Variants in SECISBP2 observed in about 807,000 individuals in gnomAD.
SECISBP2 encodes SECIS binding protein 2.
Under a neutral mutation model 98.2 loss-of-function variants are expected in SECISBP2, and 96 were observed. The ratio of observed to expected loss-of-function variants is 0.98; its 90% confidence interval spans 0.83 to 1.16. The LOEUF is 1.16. Ranked by LOEUF, SECISBP2 falls within the 50% of genes most tolerant of loss-of-function variation. The pLI is 0.00. For synonymous variants in SECISBP2, 407 were observed against 370.2 expected (o/e 1.10, Z -1.14); for missense variants, 1,046 against 1,022.9 (o/e 1.02, Z -0.31).
At chr9:89,355,280 G>T (rs1391274852) in intron 14 of SECISBP2, 1 of 985,314 alleles carries the variant, frequency 1.0e-6, no homozygotes, top group African/African-American at 1.7e-5. Flanking sequence ...TGAGTATCCT[G>T]TAGGCCAGAT....
intron 14 of SECISBP2, among the ~76,000 whole-genome samples, chr9:89,355,924 G>C (rs1377244473): frequency 6.6e-6 from 1 of 152,106 alleles, no homozygotes; most frequent in Non-Finnish European, 1.5e-5. Flanking sequence ...TTTACACTAT[G>C]GTATCTTTAT....
downstream of SECISBP2, chr9:89,363,346 G>A (rs1382701987): frequency 3.2e-6 from 5 of 1,576,202 alleles, no homozygotes; most frequent in East Asian, 2.2e-5. Context: ...TGCTGAATGG[G>A]GCCCTTGAAA....
At chr9:89,329,065 T>G in intron 5 of SECISBP2, 179 bp downstream of exon 5, 1 of 615,464 alleles carries the variant, frequency 1.6e-6, no homozygotes, top group South Asian at 2.0e-5. Flanking sequence ...CAGTTTATAA[T>G]GAGGCTGTAA....
chr9:89,354,943 C>G (rs773653497), intron 14 of SECISBP2: 63 of 985,436 alleles, frequency 6.4e-5, no homozygotes, highest in Non-Finnish European at 7.6e-5. Context: ...CACCCCACCT[C>G]TGCCCTATCT....
At chr9:89,362,247 C>CCAT (rs1757797793), downstream of SECISBP2, 8 of 1,300,676 alleles carry the variant, frequency 6.2e-6, no homozygotes, top group Non-Finnish European at 7.7e-6. Context: ...CCGCCTCTGC[C>CCAT]CATCAGGTGG....
At chr9:89,364,656 A>G (rs770330007), downstream of SECISBP2, 2 of 155,298 alleles carry the variant, frequency 1.3e-5, no homozygotes, top group Non-Finnish European at 2.9e-5. Context: ...TGGGCTTTTG[A>G]TCTTAATTAC....
intron 10 of SECISBP2, among the ~76,000 whole-genome samples, chr9:89,342,740 T>C (rs1829843615): frequency 1.3e-5 from 2 of 152,162 alleles, no homozygotes; most frequent in Non-Finnish European, 2.9e-5. Context: ...AAGCATAGAT[T>C]AGAGGATACC....
intron 7 of SECISBP2, among the ~76,000 whole-genome samples, chr9:89,338,003 A>G (rs1040740192): frequency 6.6e-6 from 1 of 152,218 alleles, no homozygotes; most frequent in Non-Finnish European, 1.5e-5. Context: ...TGTAGGAATG[A>G]TGAGGTCACA....
chr9:89,327,367 CAAT>C (rs1208812504), intron 4 of SECISBP2, among the ~76,000 whole-genome samples: 2 of 151,956 alleles, frequency 1.3e-5, no homozygotes, highest in African/African-American at 4.8e-5. Flanking sequence ...GTATTTTTTT[CAAT>C]AATTAACCTT....
intron 5 of SECISBP2, 137 bp from the exon 6 acceptor site, chr9:89,332,771 G>A (rs146198872): frequency 8.3e-6 from 6 of 718,694 alleles, no homozygotes; most frequent in African/African-American, 7.0e-5. Context: ...CTCCCAAAGT[G>A]GCTGTAACGT....
Position 89,358,099 on chromosome 9 carries a change from C to T in SECISBP2, c.2369C>T (p.Pro790Leu). 1.2e-6 allele frequency: 2 copies of T among 1,613,858 alleles called. No homozygotes were observed. Among genetic ancestry groups the T allele is most frequent in the Non-Finnish European group, 1.7e-6 (2 of 1,179,994 alleles). The change falls in exon 16 of 17, where the codon CCT (proline) becomes CTT (leucine). Residue 790 changes from proline (P) to leucine (L), a missense_variant. By Grantham distance (98) the Pro-to-Leu change is moderately conservative (BLOSUM62 -3). Transcript: ENST00000375807. ...CAGGAGCTGGTGGGAGAGCCCAGGC[C>T]TCAGGCACCTCCCAGCCTACCCACA... is the stretch of plus-strand genomic sequence containing the variant. ...VQQELVGEPRPQAPPSLPTQG... is the reference protein window; with the variant it reads ...VQQELVGEPRLQAPPSLPTQG...
chr9:89,349,776 G>T lies in SECISBP2; in HGVS notation c.1739G>T (p.Gly580Val). 1.2e-6 allele frequency: 2 copies of T among 1,614,166 alleles called. No homozygotes were observed. Among genetic ancestry groups the T allele is most frequent in the South Asian group, 1.1e-5 (1 of 91,078 alleles). The change falls in exon 13 of 17, where the codon GGG becomes GTG. Residue 580 changes from glycine (G) to valine (V), a missense_variant and splice_region_variant. By Grantham distance (109) the Gly-to-Val change is moderately radical. Coordinates refer to ENST00000375807, the MANE Select transcript of SECISBP2 (RefSeq NM_024077.5). The stretch of plus-strand genomic sequence containing the variant: ...GATGATGCCTTTTTCCTCCATGAAG[G>T]GCCAGAGGGGATGGACGAACTGATC... The part of the protein sequence containing the change: ...DQFPEQAELS[G>V]PEGMDELIST...
intron 7 of SECISBP2, among the ~76,000 whole-genome samples, chr9:89,335,951 A>T (rs766507390): frequency 1.3e-5 from 2 of 152,190 alleles, no homozygotes; most frequent in Admixed American, 1.3e-4. Context: ...GAGTACTAGT[A>T]GCAAAATAAT....
chr9:89,344,566 G>A (rs1453325966), intron 10 of SECISBP2, among the ~76,000 whole-genome samples: 5 of 152,140 alleles, frequency 3.3e-5, no homozygotes, highest in Non-Finnish European at 5.9e-5. Context: ...TGAATAGGGA[G>A]TCCTTTCCCC....
intron 11 of SECISBP2, among the ~76,000 whole-genome samples, chr9:89,347,450 C>A (rs1463023393): frequency 1.3e-5 from 2 of 149,782 alleles, no homozygotes; most frequent in African/African-American, 4.9e-5. Flanking sequence ...CAGTCACAGG[C>A]TCCTCCGGTG....
Position 89,359,661 on chromosome 9 carries a change from T to C in SECISBP2, c.*837T>C, listed in dbSNP as rs926937759. On this transcript the variant is annotated 3_prime_UTR_variant, in exon 17 of 17. Coordinates refer to ENST00000375807, the MANE Select transcript of SECISBP2 (RefSeq NM_024077.5). ...TATTAAATTTTGTTTCAGACTCTGGTGATTTTAGGCTTCTCAGTGGTCTCT... is the reference window on the plus strand; with the variant it reads ...TATTAAATTTTGTTTCAGACTCTGGCGATTTTAGGCTTCTCAGTGGTCTCT... 3 of 152,188 alleles carry C rather than the reference T, an allele frequency of 2.0e-5. No individual in the cohort carries two copies. Among genetic ancestry groups the C allele is most frequent in the African/African-American group, 7.2e-5 (3 of 41,442 alleles). The allele number at this position is 152,188 out of a possible 1,614,324, so 9.4% of individuals were successfully genotyped here. A position where few individuals can be genotyped will look rare whatever the true frequency, so the allele number is the denominator to read the frequency against.
Position 89,334,259 on chromosome 9 carries a change from T to G in SECISBP2, c.881-263T>G, listed in dbSNP as rs139733470. 1.5e-4 allele frequency: 162 copies of G among 1,114,746 alleles called. No homozygotes were observed. In the African/African-American group the frequency reaches 2.3e-3, roughly 16 times the overall value. 69.1% of individuals were successfully genotyped at this position (1,114,746 alleles called of 1,614,324 possible). A position where few individuals can be genotyped will look rare whatever the true frequency, so the allele number is the denominator to read the frequency against. The stretch of plus-strand genomic sequence containing the variant: ...TTTTTAACTAAAACTACTGTTTGTC[T>G]ACCCACCTCCAACCCCCAGGTTAAA... On this transcript the variant is annotated intron_variant, in intron 6 of 16. Transcript: ENST00000375807.
Position 89,328,613 on chromosome 9 carries a change from A to C in SECISBP2, c.575-47A>C, listed in dbSNP as rs780133891. On this transcript the variant is annotated intron_variant, in intron 4 of 16. Coordinates refer to ENST00000375807, the MANE Select transcript of SECISBP2 (RefSeq NM_024077.5). ...AATTTTTGCTTGCATACTGGTCATC[A>C]AACAGTAACTAAATTTTTACTCTTA... 7 of 1,525,462 alleles carry C rather than the reference A, an allele frequency of 4.6e-6. No homozygotes were observed. In the African/African-American group the frequency reaches 9.6e-5, roughly 21 times the overall value. The allele number at this position is 1,525,462 out of a possible 1,614,324, so 94.5% of individuals were successfully genotyped here. A position where few individuals can be genotyped will look rare whatever the true frequency, so the allele number is the denominator to read the frequency against.
At chr9:89,356,229 C>T (rs1414982182) in intron 14 of SECISBP2, among the ~76,000 whole-genome samples, 2 of 152,196 alleles carry the variant, frequency 1.3e-5, no homozygotes, top group Non-Finnish European at 1.5e-5. Flanking sequence ...AGGTTGCCTG[C>T]TCCTTATGAG....
Sources: gnomAD v4.1 joint callset for allele counts (sites outside exome capture counted in the v4.1 genomes callset) on GRCh38, gnomAD v4.1.1 for gene constraint, MANE v1.5 for transcripts, NCBI Gene and HGNC (gene_info 2026-07-23, HGNC 2026-07-21) for gene names.